The following AVEN variants were observed in gnomAD, a reference collection of about 807,000 sequenced individuals.
AVEN encodes the protein cell death regulator Aven.
AVEN carries 41 observed loss-of-function variants against 38.1 expected under a neutral mutation model. The ratio of observed to expected loss-of-function variants is 1.08; its 90% CI spans 0.84 to 1.40. The LOEUF is 1.40. AVEN is among the 40% of genes most tolerant of loss of function. AVEN has a pLI of 0.00. For missense variants in AVEN, 605 were observed against 438.8 expected (o/e 1.38, Z -3.38); for synonymous variants, 206 against 171.8 (o/e 1.20, Z -1.56).
At chr15:33,853,476 A>T in the AVEN span, 5 of 1,519,456 alleles carry the variant, frequency 3.3e-6, no homozygotes, top group Non-Finnish European at 3.5e-6. Flanking sequence ...TAGGGCAGCA[A>T]AGCTCTGAAG....
intron 2 of AVEN, among the ~76,000 whole-genome samples, chr15:33,945,612 A>G (rs946069702): frequency 8.6e-5 from 13 of 151,852 alleles, no homozygotes; most frequent in African/African-American, 3.1e-4. Context: ...TTTGAAATGG[A>G]GTCTCGCTCT....
At chr15:34,032,803 T>C (rs933767082) in intron 1 of AVEN, among the ~76,000 whole-genome samples, 6 of 152,174 alleles carry the variant, frequency 3.9e-5, no homozygotes, top group South Asian at 4.1e-4. Context: ...GCCTCAACAA[T>C]AGGATAATTT....
intron 2 of AVEN, chr15:34,067,420 T>C (rs1900539654): frequency 1.3e-5 from 2 of 152,208 alleles, no homozygotes; most frequent in African/African-American, 4.8e-5. Context: ...TTCTGTATTG[T>C]ATAAGCACTA....
chr15:34,073,291 G>C (rs1484826481), intron 1 of AVEN, among the ~76,000 whole-genome samples: 1 of 139,184 alleles, frequency 7.2e-6, no homozygotes, highest in Non-Finnish European at 1.5e-5. Flanking sequence ...TCCTGACCTC[G>C]TGATCCTCCC....
chr15:33,885,991 A>G (rs536826992), intron 2 of AVEN, among the ~76,000 whole-genome samples: 1 of 152,234 alleles, frequency 6.6e-6, no homozygotes, highest in Non-Finnish European at 1.5e-5. Flanking sequence ...AGCTGAATAA[A>G]TAAGGGAATA....
chr15:34,061,166 A>C (rs1270303241), intron 5 of AVEN, among the ~76,000 whole-genome samples: 3 of 152,030 alleles, frequency 2.0e-5, no homozygotes, highest in Admixed American at 1.3e-4. Flanking sequence ...GAAAATGGGG[A>C]GCTTGCAAGC....
intron 2 of AVEN, among the ~76,000 whole-genome samples, chr15:33,981,132 T>C (rs1395818566): frequency 2.0e-5 from 3 of 152,098 alleles, no homozygotes; most frequent in Non-Finnish European, 4.4e-5. Flanking sequence ...CTCAAAATTG[T>C]GGAGAGAAAA....
intron 2 of AVEN, among the ~76,000 whole-genome samples, chr15:33,924,867 C>T (rs894283414): frequency 6.6e-6 from 1 of 152,054 alleles, no homozygotes. Flanking sequence ...TTGGAACCTA[C>T]TCTGAATTAA....
intron 2 of AVEN, among the ~76,000 whole-genome samples, chr15:33,908,080 A>T (rs1008573074): frequency 2.0e-5 from 3 of 152,226 alleles, no homozygotes; most frequent in African/African-American, 7.2e-5. Flanking sequence ...TTATTAAAAA[A>T]TTTGTATTGT....
At chr15:33,921,488 A>T (rs28730936) in intron 2 of AVEN, among the ~76,000 whole-genome samples, 1 of 152,184 alleles carries the variant, frequency 6.6e-6, no homozygotes, top group African/African-American at 2.4e-5. Context: ...CAAAGAAATA[A>T]GGAAGGCACA....
intron 1 of AVEN, among the ~76,000 whole-genome samples, chr15:34,014,976 G>C (rs901930363): frequency 3.9e-5 from 6 of 152,064 alleles, no homozygotes; most frequent in Non-Finnish European, 8.8e-5. Context: ...TGAGAAGCAG[G>C]GACCATCTTT....
At chr15:34,060,656 G>A (rs950320830) in intron 5 of AVEN, among the ~76,000 whole-genome samples, 6 of 152,186 alleles carry the variant, frequency 3.9e-5, no homozygotes, top group African/African-American at 1.4e-4. Flanking sequence ...TGGGTGGATC[G>A]CCTGGGGTCA....
chr15:33,925,901 G>T (rs1463897813), intron 2 of AVEN, among the ~76,000 whole-genome samples: 1 of 152,118 alleles, frequency 6.6e-6, no homozygotes, highest in Non-Finnish European at 1.5e-5. Flanking sequence ...CATTCCTTAT[G>T]TTTCATCAGA....
At chr15:34,010,317 T>A (rs1227892421) in intron 1 of AVEN, among the ~76,000 whole-genome samples, 1 of 152,176 alleles carries the variant, frequency 6.6e-6, no homozygotes, top group East Asian at 1.9e-4. Context: ...CTACCTTTTC[T>A]TTCCAAAATA....
At chr15:33,868,254 TG>T (rs1890778892) in intron 4 of AVEN, among the ~76,000 whole-genome samples, 1 of 152,154 alleles carries the variant, frequency 6.6e-6, no homozygotes, top group Non-Finnish European at 1.5e-5. Context: ...CCAGGCGCAG[TG>T]GCTCATGCCT....
intron 1 of AVEN, among the ~76,000 whole-genome samples, chr15:34,015,038 C>T (rs1223615321): frequency 6.6e-6 from 1 of 152,074 alleles, no homozygotes; most frequent in Non-Finnish European, 1.5e-5. Flanking sequence ...GTCCTGAAGC[C>T]TGAAAAGCTG....
Position 33,867,602 on chromosome 15 carries a change from A to G in AVEN, c.866T>C (p.Leu289Ser). Reference sequence around the variant, plus strand: ...TTTTATAGGTGCATCTAAATTAAGCAACAGATCTAGTTCTTCTTCCAAATG... The same window carrying G: ...TTTTATAGGTGCATCTAAATTAAGCGACAGATCTAGTTCTTCTTCCAAATG... ...GDHLEEELDLLLNLDAPIKEG... is the reference protein window; with the variant it reads ...GDHLEEELDLSLNLDAPIKEG... The change falls in exon 5 of 6, where the codon TTG (leucine) becomes TCG (serine). Residue 289 changes from leucine (L) to serine (S), a missense_variant. By Grantham distance (145) the Leu-to-Ser change is moderately radical. Transcript: ENST00000306730. 6.2e-7 allele frequency: 1 copy of G among 1,614,212 alleles called. No individual in the cohort carries two copies. The highest frequency in any genetic ancestry group is 1.1e-5 in the South Asian group (1 of 91,084).
At chr15:33,989,107 A>G (rs1179142471) in intron 2 of AVEN, among the ~76,000 whole-genome samples, 1 of 152,106 alleles carries the variant, frequency 6.6e-6, no homozygotes, top group Admixed American at 6.5e-5. Flanking sequence ...TATCACCTCT[A>G]TAGTTGCAGA....
chr15:33,870,848 C>T, intron 4 of AVEN, 87 bp downstream of exon 4: 1 of 914,034 alleles, frequency 1.1e-6, no homozygotes, highest in Non-Finnish European at 1.6e-6. Flanking sequence ...GAAGCTGACA[C>T]TGAGACATCC....
Sources: allele counts gnomAD v4.1 joint callset (sites outside exome capture counted in the v4.1 genomes callset), GRCh38; gene constraint gnomAD v4.1.1; transcripts MANE v1.5; gene names NCBI Gene and HGNC (gene_info 2026-07-23, HGNC 2026-07-21).